STPG2: variants seen among roughly 807,000 people sequenced by gnomAD.
The protein encoded by STPG2 is sperm-tail PG-rich repeat-containing protein 2.
STPG2 carries 56 observed loss-of-function variants against 54.2 expected under a neutral mutation model. The ratio of observed to expected loss-of-function variants is 1.03; its 90% CI spans 0.83 to 1.29. STPG2 has a LOEUF of 1.29. Among genes scored for constraint, STPG2 ranks in the 50% most tolerant of loss-of-function variants. STPG2 has a pLI of 0.00. For missense variants in STPG2, 596 were observed against 544.9 expected (o/e 1.09, Z -0.93); for synonymous variants, 200 against 181.8 (o/e 1.10, Z -0.81).
At chr4:98,116,494 T>C (rs991724960) in intron 3 of STPG2, among the ~76,000 whole-genome samples, 3 of 151,908 alleles carry the variant, frequency 2.0e-5, no homozygotes, top group Non-Finnish European at 4.4e-5. Context: ...AACCAGGAAG[T>C]CTGGCTCCAT....
intron 1 of STPG2, among the ~76,000 whole-genome samples, chr4:98,135,529 T>C (rs959647386): frequency 1.3e-5 from 2 of 151,750 alleles, no homozygotes; most frequent in Non-Finnish European, 3.0e-5. Context: ...GGAAGACACA[T>C]GCAAATTCAG....
At chr4:97,476,257 A>G (rs958708064) in intron 4 of STPG2, among the ~76,000 whole-genome samples, 2 of 152,120 alleles carry the variant, frequency 1.3e-5, no homozygotes, top group African/African-American at 4.8e-5. Flanking sequence ...GTATCCAGTA[A>G]CTTAGTAAAT....
At chr4:97,701,017 A>G (rs544057817) in intron 10 of STPG2, among the ~76,000 whole-genome samples, 1 of 152,308 alleles carries the variant, frequency 6.6e-6, no homozygotes, top group African/African-American at 2.4e-5. Flanking sequence ...GTGAGTGGGG[A>G]TGTGGTGGGA....
At chr4:97,462,718 A>G (rs1195486149) in intron 4 of STPG2, among the ~76,000 whole-genome samples, 1 of 151,880 alleles carries the variant, frequency 6.6e-6, no homozygotes, top group Non-Finnish European at 1.5e-5. Context: ...ATAAATTTTA[A>G]TTTATTTTTG....
At chr4:98,116,934 T>C (rs561565628) in intron 3 of STPG2, among the ~76,000 whole-genome samples, 1 of 152,146 alleles carries the variant, frequency 6.6e-6, no homozygotes, top group Admixed American at 6.5e-5. Flanking sequence ...AAACACAAAA[T>C]GTATTATTTC....
rs758162832 is a variant in STPG2, at chr4:97,840,879, T to G, written c.1098A>C (p.Gln366His). The change falls in exon 9 of 11, where the codon CAA becomes CAC. Residue 366 changes from glutamine (Q) to histidine (H), a missense_variant. By Grantham distance (24) the Gln-to-His change is conservative. Coordinates refer to ENST00000295268, the MANE Select transcript of STPG2 (RefSeq NM_174952.3). ...YDVHKSYEMSQVKHKYMPPRS... is the reference protein window; with the variant it reads ...YDVHKSYEMSHVKHKYMPPRS... ...GAGGTGGCATATATTTATGCTTAAC[T>G]TGGGACATCTCATATGATTTGTGAA... The G allele has an allele frequency of 2.5e-6, 4 of 1,612,140 alleles. No homozygotes were observed. Among genetic ancestry groups the G allele is most frequent in the Non-Finnish European group, 3.4e-6 (4 of 1,178,640 alleles).
At chr4:97,607,835 A>G (rs1485969813) in intron 10 of STPG2, among the ~76,000 whole-genome samples, 2 of 152,038 alleles carry the variant, frequency 1.3e-5, no homozygotes, top group South Asian at 4.1e-4. Flanking sequence ...AGAGGAGAAT[A>G]AATAGGTATC....
chr4:97,684,843 T>C (rs1723139942), intron 10 of STPG2, among the ~76,000 whole-genome samples: 2 of 151,922 alleles, frequency 1.3e-5, no homozygotes, highest in African/African-American at 4.8e-5. Flanking sequence ...TTTCAAAACA[T>C]ATATATTTTA....
At chr4:97,516,658 T>A (rs1323442114) in intron 4 of STPG2, among the ~76,000 whole-genome samples, 1 of 151,784 alleles carries the variant, frequency 6.6e-6, no homozygotes, top group Non-Finnish European at 1.5e-5. Flanking sequence ...ACCCTGTCTT[T>A]ACTAAAAATA....
intron 5 of STPG2, among the ~76,000 whole-genome samples, chr4:97,999,010 AT>A (rs919584788): frequency 1.5e-3 from 204 of 135,714 alleles, no homozygotes; most frequent in African/African-American, 4.6e-3. Context: ...TTCTATTTGT[AT>A]TTTTTTTTCT....
intron 10 of STPG2, 75 bp downstream of exon 10, chr4:97,712,624 A>C (rs1724158629): frequency 1.0e-6 from 1 of 994,178 alleles, no homozygotes; most frequent in Admixed American, 3.0e-5. Flanking sequence ...AAGGACTTTA[A>C]TATATACATT....
intron 8 of STPG2, among the ~76,000 whole-genome samples, chr4:97,905,932 C>T (rs575852550): frequency 1.6e-3 from 238 of 152,128 alleles, no homozygotes; most frequent in African/African-American, 5.6e-3. Flanking sequence ...CCAAAATTGA[C>T]GCCCTAACAT....
chr4:97,617,478 C>A (rs1400178345), intron 10 of STPG2, among the ~76,000 whole-genome samples: 1 of 152,122 alleles, frequency 6.6e-6, no homozygotes, highest in Non-Finnish European at 1.5e-5. Flanking sequence ...GGAACTTTCC[C>A]ACTTTTCTGG....
At chr4:97,470,999 G>A (rs35601030) in intron 4 of STPG2, among the ~76,000 whole-genome samples, 10,758 of 152,228 alleles carry the variant, frequency 0.071, 585 homozygotes, top group Middle Eastern at 0.18. Context: ...ATTAGGAGCA[G>A]ACAGTGTCGA....
intron 9 of STPG2, among the ~76,000 whole-genome samples, chr4:97,729,063 T>TTCTCTCTCTCTCTCCCTCTCTC (rs1724712005): frequency 8.0e-6 from 1 of 124,844 alleles, no homozygotes; most frequent in Non-Finnish European, 1.7e-5. Flanking sequence ...CCCCAAGAAT[T>TTCTCTCTCTCTCTCCCTCTCTC]TCTCTCTCTC....
intron 9 of STPG2, among the ~76,000 whole-genome samples, chr4:97,804,938 A>G (rs1262260477): frequency 6.6e-6 from 1 of 152,200 alleles, no homozygotes; most frequent in Non-Finnish European, 1.5e-5. Flanking sequence ...CATATGGCTT[A>G]GCTGTGTAGT....
intron 9 of STPG2, among the ~76,000 whole-genome samples, chr4:97,729,327 T>C (rs1486534932): frequency 1.3e-5 from 2 of 152,162 alleles, no homozygotes; most frequent in Non-Finnish European, 2.9e-5. Flanking sequence ...AAAGTAATCA[T>C]GTTTTTTGCC....
intron 4 of STPG2, among the ~76,000 whole-genome samples, chr4:97,459,787 A>C (rs1407364459): frequency 6.6e-6 from 1 of 152,142 alleles, no homozygotes; most frequent in Non-Finnish European, 1.5e-5. Flanking sequence ...AGATGGCTTC[A>C]GATTTATTTT....
At chr4:97,686,639 T>C (rs978322829) in intron 10 of STPG2, among the ~76,000 whole-genome samples, 2 of 152,056 alleles carry the variant, frequency 1.3e-5, no homozygotes, top group African/African-American at 4.8e-5. Flanking sequence ...GAAACGTGAC[T>C]CCTCCCCTTT....
Sources: gnomAD v4.1 joint callset for allele counts (sites outside exome capture counted in the v4.1 genomes callset) on GRCh38, gnomAD v4.1.1 for gene constraint, MANE v1.5 for transcripts, NCBI Gene and HGNC (gene_info 2026-07-23, HGNC 2026-07-21) for gene names.